GRIP1: variants seen among roughly 807,000 people sequenced by gnomAD.
GRIP1 encodes glutamate receptor interacting protein 1, also known as glutamate receptor-interacting protein 1.
GRIP1 carries 45 observed loss-of-function variants against 129.9 expected under a neutral mutation model. The observed-to-expected ratio is 0.35, with a 90% CI of 0.27 to 0.44. The LOEUF is 0.44. GRIP1 is among the 20% of genes least tolerant of loss of function. The pLI is 1.00. For synonymous variants in GRIP1, 530 were observed against 520.8 expected (o/e 1.02, Z -0.24); for missense variants, 1,196 against 1,396.8 (o/e 0.86, Z 2.29).
At chr12:66,651,000 T>C (rs1257699052) in intron 1 of GRIP1, among the ~76,000 whole-genome samples, 1 of 152,220 alleles carries the variant, frequency 6.6e-6, no homozygotes, top group Non-Finnish European at 1.5e-5. Flanking sequence ...AGGGTTAATA[T>C]GAGTAAAATA....
At chr12:66,872,665 A>C (rs1267279910) in intron 1 of GRIP1, among the ~76,000 whole-genome samples, 3 of 152,062 alleles carry the variant, frequency 2.0e-5, no homozygotes, top group Non-Finnish European at 4.4e-5. Context: ...TGCCTACTCT[A>C]AATGTGTAAA....
intron 1 of GRIP1, among the ~76,000 whole-genome samples, chr12:66,967,592 G>A (rs1458748610): frequency 2.0e-5 from 3 of 151,980 alleles, no homozygotes; most frequent in South Asian, 4.2e-4. Flanking sequence ...GTTCAGGCTA[G>A]ACTCAAACTC....
intron 7 of GRIP1, among the ~76,000 whole-genome samples, chr12:66,468,911 G>A (rs2059362516): frequency 6.6e-6 from 1 of 152,092 alleles, no homozygotes; most frequent in Non-Finnish European, 1.5e-5. Flanking sequence ...TCTGTGACTG[G>A]AAACTAGAAT....
intron 1 of GRIP1, among the ~76,000 whole-genome samples, chr12:67,005,297 T>C (rs1043866501): frequency 1.3e-5 from 2 of 152,190 alleles, no homozygotes; most frequent in Non-Finnish European, 2.9e-5. Flanking sequence ...AAAGGAACAA[T>C]ATAGTGGTAA....
chr12:66,866,902 A>G (rs1249883213), intron 1 of GRIP1, among the ~76,000 whole-genome samples: 1 of 152,170 alleles, frequency 6.6e-6, no homozygotes, highest in Non-Finnish European at 1.5e-5. Flanking sequence ...ATACTTCAGA[A>G]TATCATGTCG....
intron 1 of GRIP1, among the ~76,000 whole-genome samples, chr12:66,662,933 C>T (rs2136200624): frequency 6.6e-6 from 1 of 152,272 alleles, no homozygotes; most frequent in East Asian, 1.9e-4. Flanking sequence ...GCTGTACAAT[C>T]TTGGATTAAA....
Position 66,518,740 on chromosome 12 carries a change from A to G in GRIP1, c.503-764T>C, listed in dbSNP as rs138826978. Among the ~76,000 whole-genome samples the G allele has an allele frequency of 3.9e-5, 6 of 152,310 alleles. No homozygotes were observed. The East Asian group carries it at 1.2e-3, about 29-fold the overall frequency. On this transcript the variant is annotated intron_variant, in intron 5 of 24. Transcript: ENST00000359742. ...CTGCTCACTCCACATTTGGACACCA[A>G]GGAGTGTTAGAAAGTTCTTCCTAAT...
intron 1 of GRIP1, among the ~76,000 whole-genome samples, chr12:66,986,794 A>G (rs2042318805): frequency 6.6e-6 from 1 of 150,802 alleles, no homozygotes; most frequent in Middle Eastern, 3.4e-3. Flanking sequence ...TAACCTGCAC[A>G]TTGTGCACAT....
chr12:66,717,464 T>G (rs1368734429), intron 1 of GRIP1, among the ~76,000 whole-genome samples: 1 of 151,740 alleles, frequency 6.6e-6, no homozygotes, highest in Non-Finnish European at 1.5e-5. Flanking sequence ...GATGTCACCA[T>G]AGCTTTGCAA....
At chr12:66,683,646 A>G (rs1330807659), upstream of GRIP1, among the ~76,000 whole-genome samples, 1 of 152,172 alleles carries the variant, frequency 6.6e-6, no homozygotes, top group East Asian at 1.9e-4. Context: ...GGGTGGGTAT[A>G]ATGCACACTT....
At chr12:66,912,330 A>G (rs1178723678) in intron 1 of GRIP1, among the ~76,000 whole-genome samples, 1 of 152,154 alleles carries the variant, frequency 6.6e-6, no homozygotes, top group Non-Finnish European at 1.5e-5. Flanking sequence ...GACTTTAAAT[A>G]TTAAGTATTT....
chr12:66,836,621 A>G (rs543419674), intron 1 of GRIP1, among the ~76,000 whole-genome samples: 55 of 152,338 alleles, frequency 3.6e-4, no homozygotes, highest in African/African-American at 1.3e-3. Flanking sequence ...TTTAACTTGT[A>G]CACAATAAAA....
chr12:66,719,642 C>T (rs1020527532), intron 1 of GRIP1, among the ~76,000 whole-genome samples: 1 of 152,116 alleles, frequency 6.6e-6, no homozygotes, highest in East Asian at 1.9e-4. Flanking sequence ...AATGAAACAT[C>T]ATTAAATTTG....
intron 1 of GRIP1, among the ~76,000 whole-genome samples, chr12:66,838,100 C>T (rs551218903): frequency 3.3e-5 from 5 of 151,188 alleles, no homozygotes; most frequent in East Asian, 2.0e-4. Context: ...GCAGGAGAAT[C>T]GCTTGAACCC....
chr12:66,830,873 T>C (rs891933779), intron 1 of GRIP1, among the ~76,000 whole-genome samples: 6 of 148,818 alleles, frequency 4.0e-5, no homozygotes, highest in Non-Finnish European at 8.9e-5. Context: ...TGAGACAGGG[T>C]CTCACTCTCT....
intron 1 of GRIP1, among the ~76,000 whole-genome samples, chr12:66,724,984 T>A (rs2036205993): frequency 6.6e-6 from 1 of 152,116 alleles, no homozygotes; most frequent in East Asian, 1.9e-4. Flanking sequence ...GAGAGCCTTT[T>A]AAAAATACAT....
chr12:66,665,893 A>T (rs557236302), intron 1 of GRIP1, among the ~76,000 whole-genome samples: 2 of 152,336 alleles, frequency 1.3e-5, no homozygotes, highest in Admixed American at 6.5e-5. Context: ...TGAGCAGTAT[A>T]TGAAAGTTCC....
chr12:67,022,452 A>C (rs989114715), intron 1 of GRIP1, among the ~76,000 whole-genome samples: 7 of 152,110 alleles, frequency 4.6e-5, no homozygotes, highest in Non-Finnish European at 1.0e-4. Flanking sequence ...TTATATACCT[A>C]TGAGTGGAAT....
chr12:66,928,935 G>A (rs964326696), intron 1 of GRIP1, among the ~76,000 whole-genome samples: 1 of 152,176 alleles, frequency 6.6e-6, no homozygotes, highest in African/African-American at 2.4e-5. Context: ...GTTTACCCAA[G>A]TGCAAGTGTA....
Sources: gnomAD v4.1 joint callset for allele counts (sites outside exome capture counted in the v4.1 genomes callset) on GRCh38, gnomAD v4.1.1 for gene constraint, MANE v1.5 for transcripts, NCBI Gene and HGNC (gene_info 2026-07-23, HGNC 2026-07-21) for gene names.